NKD1: variants seen among roughly 807,000 people sequenced by gnomAD.
NKD1 encodes the protein NKD inhibitor of Wnt signaling pathway 1.
NKD1 carries 21 observed loss-of-function variants against 56.0 expected under a neutral mutation model. The observed-to-expected ratio is 0.38, with a 90% CI of 0.27 to 0.54. NKD1 has a LOEUF of 0.54. NKD1 is among the 20% of genes least tolerant of loss of function. The pLI, the probability that NKD1 is intolerant of heterozygous loss-of-function variation, is 0.82. For missense variants in NKD1, 578 were observed against 642.7 expected, an observed-to-expected ratio of 0.90 and a Z score of 1.09; for synonymous variants, 263 against 265.7, an observed-to-expected ratio of 0.99 and a Z score of 0.10.
In NKD1 at chr16:50,616,230, G is replaced by A. The variant is rs1245061604; in HGVS notation, c.260-5372G>A. 1.4e-5 allele frequency: 5 copies of A among 347,448 alleles called. No homozygotes were observed. In the East Asian group the frequency reaches 4.0e-4, roughly 28 times the overall value. 21.5% of individuals were successfully genotyped at this position (347,448 alleles called of 1,614,324 possible). On this transcript the variant is annotated intron_variant, in intron 4 of 9. Coordinates refer to ENST00000268459, the MANE Select transcript of NKD1 (RefSeq NM_033119.5). Reference sequence around the variant, plus strand: ...AATCTTACATTGTATTCACTGAGAAGAACTTGCCAGGTAACTAGGCTAAGA... The same window carrying A: ...AATCTTACATTGTATTCACTGAGAAAAACTTGCCAGGTAACTAGGCTAAGA...
At chr16:50,587,224 G>A (rs1194771191) in intron 3 of NKD1, among the ~76,000 whole-genome samples, 1 of 152,194 alleles carries the variant, frequency 6.6e-6, no homozygotes, top group Non-Finnish European at 1.5e-5. Flanking sequence ...CAAAAATGCA[G>A]ATTCTGATTT....
At chr16:50,600,247 A>G (rs1244193046) in intron 3 of NKD1, among the ~76,000 whole-genome samples, 1 of 152,096 alleles carries the variant, frequency 6.6e-6, no homozygotes, top group African/African-American at 2.4e-5. Flanking sequence ...AACAAAACAA[A>G]CAAACAAACA....
chr16:50,590,672 C>T (rs1345109264), intron 3 of NKD1, among the ~76,000 whole-genome samples: 2 of 152,228 alleles, frequency 1.3e-5, no homozygotes. Context: ...TTAGTTTGCC[C>T]AGCATCACAC....
chr16:50,630,286 C>T lies in NKD1; in HGVS notation c.563C>T (p.Ala188Val), dbSNP rs150377756. 7.0e-5 allele frequency: 113 copies of T among 1,614,058 alleles called. No individual in the cohort carries two copies. In the African/African-American group the frequency reaches 8.1e-4, roughly 12 times the overall value. The change falls in exon 7 of 10, where the codon GCC becomes GTC. Residue 188 changes from alanine (A) to valine (V), a missense_variant. Ala to Val is a moderately conservative substitution (Grantham distance 64). Transcript: ENST00000268459. ...ATGCTGCGGGTAAAGCTCACCGTGG[C>T]CCCCGATGGCAGCCAGAGCAAGAGG... is the stretch of plus-strand genomic sequence containing the variant. ...SKMLRVKLTV[A>V]PDGSQSKRSV...
At position 50,623,567 on chromosome 16, in the gene NKD1, A is replaced by C. The variant is rs56906094; in HGVS notation, c.366+1859A>C. 0.022 allele frequency among the ~76,000 whole-genome samples: 3,386 copies of C among 152,128 alleles called. 140 individuals are homozygous for C. Among genetic ancestry groups the C allele is most frequent in the African/African-American group, 0.077 (3,185 of 41,492 alleles). Reference sequence around the variant, plus strand: ...TTCTGGAGGGGCAGACTTGGGACTGAGCTGTGGTCCATGGGCAGGACTCAA... The same window carrying C: ...TTCTGGAGGGGCAGACTTGGGACTGCGCTGTGGTCCATGGGCAGGACTCAA... On this transcript the variant is annotated intron_variant, in intron 5 of 9. Transcript: ENST00000268459. The surrounding 1 kb of genome is among the most constrained non-coding windows in gnomAD (Gnocchi z 4.1).
Position 50,636,221 on chromosome 16 carries a change from A to T in NKD1, c.*2440A>T, listed in dbSNP as rs1962464432. 1 of 151,998 alleles carries T rather than the reference A, an allele frequency of 6.6e-6. No homozygotes were observed. The highest frequency in any genetic ancestry group is 2.4e-5 in the African/African-American group (1 of 41,376). The allele number at this position is 151,998 out of a possible 1,614,324, so 9.4% of individuals were successfully genotyped here. On this transcript the variant is annotated 3_prime_UTR_variant, in exon 10 of 10. Transcript: ENST00000268459. ...AGGGGAGGGGTGCAGATCGGACAGG[A>T]AGTAATGGCATCCCAGGCCCCGAAT... is the stretch of plus-strand genomic sequence containing the variant.
chr16:50,601,805 A>C (rs933326280), intron 3 of NKD1, among the ~76,000 whole-genome samples: 1 of 151,858 alleles, frequency 6.6e-6, no homozygotes, highest in African/African-American at 2.4e-5. Flanking sequence ...TCTGCCCTAT[A>C]TTTTGGCTCC....
intron 3 of NKD1, chr16:50,573,735 A>G: frequency 5.9e-6 from 5 of 841,176 alleles, no homozygotes; most frequent in Middle Eastern, 6.1e-4. Context: ...GTCTCTGTGT[A>G]TTAGAATAGC....
chr16:50,568,394 C>T (rs975083118), intron 3 of NKD1, among the ~76,000 whole-genome samples: 1 of 152,228 alleles, frequency 6.6e-6, no homozygotes, highest in Non-Finnish European at 1.5e-5. Context: ...CAGGTTAGAG[C>T]TGGTGCTGCC....
intron 3 of NKD1, among the ~76,000 whole-genome samples, chr16:50,554,615 A>C (rs1960460645): frequency 6.6e-6 from 1 of 152,062 alleles, no homozygotes; most frequent in South Asian, 2.1e-4. Flanking sequence ...AGTATAAATT[A>C]TTATCAATAA....
intron 3 of NKD1, among the ~76,000 whole-genome samples, chr16:50,572,453 A>G (rs1167697717): frequency 6.6e-6 from 1 of 152,208 alleles, no homozygotes. Context: ...AGCTTCAGCT[A>G]TCCTGTCTGT....
At position 50,636,426 on chromosome 16, in the gene NKD1, T is replaced by C. The variant is rs1962469223; in HGVS notation, c.*2645T>C. 6.6e-6 allele frequency: 1 copy of C among 152,188 alleles called. No individual in the cohort carries two copies. The highest frequency in any genetic ancestry group is 1.5e-5 in the Non-Finnish European group (1 of 68,026). The allele number at this position is 152,188 out of a possible 1,614,324, so 9.4% of individuals were successfully genotyped here. A position where few individuals can be genotyped will look rare whatever the true frequency, so the allele number is the denominator to read the frequency against. Reference sequence around the variant, plus strand: ...GCACATGTAAAAGATTCAAATAGTATATATACAAGGTGTACAGTAAAAAGT... The same window carrying C: ...GCACATGTAAAAGATTCAAATAGTACATATACAAGGTGTACAGTAAAAAGT... On this transcript the variant is annotated 3_prime_UTR_variant, in exon 10 of 10. Coordinates refer to ENST00000268459, the MANE Select transcript of NKD1 (RefSeq NM_033119.5).
Position 50,630,926 on chromosome 16 carries a change from G to T in NKD1, c.695+16G>T. The T allele has an allele frequency of 6.4e-7, 1 of 1,556,812 alleles. No individual in the cohort carries two copies. The highest frequency in any genetic ancestry group is 1.4e-5 in the African/African-American group (1 of 73,894). On this transcript the variant is annotated intron_variant, in intron 8 of 9. Transcript: ENST00000268459. ...CCCCGCTCAGGTATGTGGGCATGGT[G>T]CACATGAGCATATGTTGAGCACCAG...
rs1962729540 is a variant in NKD1 at position 50,648,925 on chromosome 16, T to C, written c.*15144T>C. ...ATGTGGAGTGGCTAAAAGAAGCCTG[T>C]GTTCCTGAGAACTTAGAGGACCAGG... On this transcript the variant is annotated 3_prime_UTR_variant, in exon 10 of 10. Transcript: ENST00000268459. 1 of 152,260 alleles carries C rather than the reference T, an allele frequency of 6.6e-6. No individual in the cohort carries two copies. Among genetic ancestry groups the C allele is most frequent in the African/African-American group, 2.4e-5 (1 of 41,472 alleles). 9.4% of individuals were successfully genotyped at this position (152,260 alleles called of 1,614,324 possible).
rs574981420 is a variant in NKD1 at position 50,623,349 on chromosome 16, C to T, written c.366+1641C>T. ...AGCCTCCAAGAGGCTTGAAGGCTCG[C>T]CTGAGGAGGATAGGTAGTATCTAGT... On this transcript the variant is annotated intron_variant, in intron 5 of 9. Coordinates refer to ENST00000268459, the MANE Select transcript of NKD1 (RefSeq NM_033119.5). The surrounding 1 kb of genome is among the most constrained non-coding windows in gnomAD (Gnocchi z 4.1). Among the ~76,000 whole-genome samples the T allele has an allele frequency of 1.5e-4, 23 of 152,206 alleles. No individual in the cohort carries two copies. Among genetic ancestry groups the T allele is most frequent in the Admixed American group, 2.6e-4 (4 of 15,300 alleles).
chr16:50,572,795 T>C, intron 3 of NKD1: 1 of 738,640 alleles, frequency 1.4e-6, no homozygotes, highest in Admixed American at 6.3e-5. Context: ...CAGAGACAGA[T>C]CCAAAGCCAG....
chr16:50,574,961 G>A, intron 3 of NKD1: 2 of 985,310 alleles, frequency 2.0e-6, no homozygotes, highest in Non-Finnish European at 2.4e-6. Flanking sequence ...AATTGGCTTA[G>A]GGCATTCTTT....
In NKD1 at chr16:50,590,905, C is replaced by T. The variant is rs1034599970; in HGVS notation, c.193-17389C>T. 3.3e-5 allele frequency among the ~76,000 whole-genome samples: 5 copies of T among 152,178 alleles called. No individual in the cohort carries two copies. The East Asian group carries it at 9.6e-4, about 29-fold the overall frequency. Reference sequence around the variant, plus strand: ...CAATCTCGGCTCACTGCAACCTCCACCTCCAAGGTTCAAGTGATTCTTCTG... The same window carrying T: ...CAATCTCGGCTCACTGCAACCTCCATCTCCAAGGTTCAAGTGATTCTTCTG... On this transcript the variant is annotated intron_variant, in intron 3 of 9. Coordinates refer to ENST00000268459, the MANE Select transcript of NKD1 (RefSeq NM_033119.5).
chr16:50,579,696 C>G (rs12917924), intron 3 of NKD1, among the ~76,000 whole-genome samples: 196 of 119,512 alleles, frequency 1.6e-3, no homozygotes, highest in African/African-American at 4.0e-3. Flanking sequence ...CACTGTCTTA[C>G]TCCTGCGGGC....
Sources: gnomAD v4.1 joint callset for allele counts (sites outside exome capture counted in the v4.1 genomes callset) on GRCh38, gnomAD v4.1.1 for gene constraint, Gnocchi (gnomAD v3.1) non-coding constraint, MANE v1.5 for transcripts, NCBI Gene and HGNC (gene_info 2026-07-23, HGNC 2026-07-21) for gene names.